The following ACVR1C variants were observed in gnomAD, a reference collection of about 807,000 sequenced individuals.
ACVR1C encodes the protein activin receptor type-1C.
A neutral mutation model predicts 57.9 loss-of-function variants in ACVR1C; 23 were observed. The observed-to-expected ratio is 0.40, with a 90% CI of 0.29 to 0.56. The LOEUF (loss-of-function observed/expected upper bound fraction) is 0.56. Ranked by LOEUF, ACVR1C falls within the 20% of genes least tolerant of loss-of-function variation. ACVR1C has a pLI of 0.50. For missense variants in ACVR1C, 480 were observed against 607.9 expected, an observed-to-expected ratio of 0.79 and a Z score of 2.21; for synonymous variants, 214 against 215.3, an observed-to-expected ratio of 0.99 and a Z score of 0.05.
chr2:157,568,148 G>A (rs1489015383), intron 2 of ACVR1C, among the ~76,000 whole-genome samples: 7 of 99,184 alleles, frequency 7.1e-5, no homozygotes, highest in Non-Finnish European at 1.4e-4. Flanking sequence ...ATACTTTATA[G>A]ACAAGCAAAT....
rs779714942 is a variant in ACVR1C, at chr2:157,556,241, T to C, written c.396A>G (p.Thr132=). ...VCLLSIAAML[T]VWACQGRQCS... ...ACTGTCGACCCTGGCATGCCCATAC[T>C]GTCAGCATCGCAGCTATGGACAGGA... The change falls in exon 3 of 9, where the codon ACA becomes ACG. Residue 132 remains threonine (T), a synonymous_variant. Transcript: ENST00000243349. 1.6e-5 allele frequency: 26 copies of C among 1,614,178 alleles called. No homozygotes were observed. Among genetic ancestry groups the C allele is most frequent in the South Asian group, 2.2e-5 (2 of 91,080 alleles).
At position 157,532,047 on chromosome 2, in the gene ACVR1C, A is replaced by G. The variant is rs1687361698; in HGVS notation, c.*1871T>C. The G allele has an allele frequency of 6.6e-6, 1 of 152,162 alleles. No individual in the cohort carries two copies. The highest frequency in any genetic ancestry group is 6.6e-5 in the Admixed American group (1 of 15,254). The allele number at this position is 152,162 out of a possible 1,614,324, so 9.4% of individuals were successfully genotyped here. A position where few individuals can be genotyped will look rare whatever the true frequency, so the allele number is the denominator to read the frequency against. On this transcript the variant is annotated 3_prime_UTR_variant, in exon 9 of 9. Transcript: ENST00000243349. ...TATGATTATTTAATAAGTGGATGAG[A>G]GCATTAACGAGTATGGAAGTACACG...
intron 8 of ACVR1C, among the ~76,000 whole-genome samples, chr2:157,534,716 G>A (rs1210403302): frequency 1.3e-5 from 2 of 152,140 alleles, no homozygotes; most frequent in Admixed American, 1.3e-4. Flanking sequence ...GGAAAACAAT[G>A]AAAATGCATG....
intron 3 of ACVR1C, among the ~76,000 whole-genome samples, chr2:157,552,810 A>G (rs1263675888): frequency 2.6e-5 from 4 of 152,200 alleles, no homozygotes; most frequent in Non-Finnish European, 5.9e-5. Context: ...ACCAAAATGA[A>G]TCTAATTCTT....
rs1368994050 is a variant in ACVR1C, at chr2:157,533,136, C to T, written c.*782G>A. ...ATTACATAGGGAGAAAAGCACTATT[C>T]AAGGGAAAGTAGGAAGCTAGCTAAC... On this transcript the variant is annotated 3_prime_UTR_variant, in exon 9 of 9. Coordinates refer to ENST00000243349, the MANE Select transcript of ACVR1C (RefSeq NM_145259.3). 1 of 152,126 alleles carries T rather than the reference C, an allele frequency of 6.6e-6. No individual in the cohort carries two copies. Among genetic ancestry groups the T allele is most frequent in the Non-Finnish European group, 1.5e-5 (1 of 68,032 alleles). 9.4% of individuals were successfully genotyped at this position (152,126 alleles called of 1,614,324 possible).
At chr2:157,560,511 T>C (rs887225627) in intron 2 of ACVR1C, among the ~76,000 whole-genome samples, 1 of 152,220 alleles carries the variant, frequency 6.6e-6, no homozygotes, top group Non-Finnish European at 1.5e-5. Flanking sequence ...GCCATACAAC[T>C]GCTTAACTTT....
In ACVR1C at chr2:157,576,823, C is replaced by T. The variant is rs149671903; in HGVS notation, c.304+10364G>A. The stretch of plus-strand genomic sequence containing the variant: ...CAATTTTCTGGTAGAGCCTTTTGGG[C>T]TTTGAAATTTTCTTTTTTTTTTTTT... On this transcript the variant is annotated intron_variant, in intron 2 of 8. Transcript: ENST00000243349. 5.0e-3 allele frequency among the ~76,000 whole-genome samples: 599 copies of T among 120,250 alleles called. 36 individuals are homozygous for T. Among genetic ancestry groups the T allele is most frequent in the African/African-American group, 0.016 (535 of 32,710 alleles). 78.9% of individuals were successfully genotyped at this position (120,250 alleles called of 152,430 possible).
chr2:157,622,755 T>C (rs1389863209), intron 1 of ACVR1C, among the ~76,000 whole-genome samples: 1 of 151,956 alleles, frequency 6.6e-6, no homozygotes, highest in African/African-American at 2.4e-5. Context: ...CATGGACAAA[T>C]GGGATCACAT....
At chr2:157,590,894 C>G (rs1268750715) in intron 1 of ACVR1C, among the ~76,000 whole-genome samples, 18 of 151,948 alleles carry the variant, frequency 1.2e-4, no homozygotes, top group African/African-American at 4.1e-4. Context: ...ACTTTGTCTC[C>G]TGTACCTCCA....
intron 2 of ACVR1C, among the ~76,000 whole-genome samples, chr2:157,564,456 T>C (rs1296182185): frequency 1.3e-5 from 2 of 152,076 alleles, no homozygotes; most frequent in African/African-American, 4.8e-5. Context: ...CAAGAAACAA[T>C]AGATGCTGGC....
intron 2 of ACVR1C, among the ~76,000 whole-genome samples, chr2:157,576,556 C>A (rs766406344): frequency 6.6e-4 from 100 of 152,192 alleles, no homozygotes; most frequent in Non-Finnish European, 1.0e-3. Context: ...TGTGCTTGAT[C>A]ATTTTCTTGT....
At chr2:157,591,710 G>A (rs924082704) in intron 1 of ACVR1C, among the ~76,000 whole-genome samples, 10 of 151,972 alleles carry the variant, frequency 6.6e-5, no homozygotes, top group Middle Eastern at 3.2e-3. Context: ...AACTAACTAA[G>A]GAATATGAAT....
In ACVR1C at chr2:157,554,277, A is replaced by G. The variant is rs1049830205; in HGVS notation, c.544+1816T>C. On this transcript the variant is annotated intron_variant, in intron 3 of 8. Coordinates refer to ENST00000243349, the MANE Select transcript of ACVR1C (RefSeq NM_145259.3). ...AAAGAAAGAAAGAAAGAAAGGAAGG[A>G]AGGAAGAGAGAGAGAGAGAGAAAGA... Among the ~76,000 whole-genome samples, 7 of 135,500 alleles carry G rather than the reference A, an allele frequency of 5.2e-5. No individual in the cohort carries two copies. The East Asian group carries it at 1.3e-3, about 25-fold the overall frequency. 88.9% of individuals were successfully genotyped at this position (135,500 alleles called of 152,430 possible). A position where few individuals can be genotyped will look rare whatever the true frequency, so the allele number is the denominator to read the frequency against.
At chr2:157,620,179 A>G (rs1319398587) in intron 1 of ACVR1C, among the ~76,000 whole-genome samples, 1 of 152,098 alleles carries the variant, frequency 6.6e-6, no homozygotes, top group Non-Finnish European at 1.5e-5. Flanking sequence ...AGTTTCATTC[A>G]GTTATACATT....
chr2:157,628,180 C>G (rs1026344778), intron 1 of ACVR1C, among the ~76,000 whole-genome samples: 2 of 152,170 alleles, frequency 1.3e-5, no homozygotes, highest in African/African-American at 2.4e-5. Flanking sequence ...GCGCGTCCGA[C>G]GCATACCTGC....
chr2:157,553,288 A>G (rs564142788), intron 3 of ACVR1C, among the ~76,000 whole-genome samples: 261 of 152,320 alleles, frequency 1.7e-3, no homozygotes, highest in Non-Finnish European at 3.0e-3. Context: ...TGTTACTTTC[A>G]GCCACTGGTC....
intron 7 of ACVR1C, 58 bp downstream of exon 7, chr2:157,541,032 A>G (rs1558969105): frequency 3.8e-6 from 6 of 1,561,124 alleles, no homozygotes; most frequent in East Asian, 2.2e-5. Context: ...AGAATATCAC[A>G]TCTTGTATTC....
At chr2:157,619,792 A>C (rs918246918) in intron 1 of ACVR1C, among the ~76,000 whole-genome samples, 1 of 152,010 alleles carries the variant, frequency 6.6e-6, no homozygotes, top group African/African-American at 2.4e-5. Context: ...AATAAATAAA[A>C]CCAAAAGCTA....
Position 157,527,656 on chromosome 2 carries a change from C to T in ACVR1C, c.*6262G>A, listed in dbSNP as rs755491130. 3 of 152,108 alleles carry T rather than the reference C, an allele frequency of 2.0e-5. No homozygotes were observed. The highest frequency in any genetic ancestry group is 2.9e-5 in the Non-Finnish European group (2 of 68,020). 9.4% of individuals were successfully genotyped at this position (152,108 alleles called of 1,614,324 possible). On this transcript the variant is annotated 3_prime_UTR_variant, in exon 9 of 9. Transcript: ENST00000243349. ...AAGAGTACATGAGCTTGACACTAGT[C>T]ATTGCGGAAAAGAACTAGAATTTAA...
Sources: gnomAD v4.1 joint callset for allele counts (sites outside exome capture counted in the v4.1 genomes callset) on GRCh38, gnomAD v4.1.1 for gene constraint, MANE v1.5 for transcripts, NCBI Gene and HGNC (gene_info 2026-07-23, HGNC 2026-07-21) for gene names.